NAALADL2: variants seen among roughly 807,000 people sequenced by gnomAD.
The protein encoded by NAALADL2 is inactive N-acetylated-alpha-linked acidic dipeptidase-like protein 2.
NAALADL2 carries 76 observed loss-of-function variants against 87.2 expected under a neutral mutation model. The observed-to-expected ratio is 0.87, with a 90% CI of 0.72 to 1.05. The LOEUF (loss-of-function observed/expected upper bound fraction) is 1.05, where lower values mean the gene tolerates loss of function less well. Among genes scored for constraint, NAALADL2 ranks in the 50% least tolerant of loss-of-function variants. NAALADL2 has a pLI of 0.00. For synonymous variants in NAALADL2, 354 were observed against 331.0 expected, an observed-to-expected ratio of 1.07 and a Z score of -0.75; for missense variants, 1,089 against 945.8, an observed-to-expected ratio of 1.15 and a Z score of -1.99.
intron 2 of NAALADL2, among the ~76,000 whole-genome samples, chr3:174,599,676 T>A (rs550843295): frequency 1.3e-5 from 2 of 152,300 alleles, no homozygotes; most frequent in African/African-American, 4.8e-5. Flanking sequence ...TAGATGATGA[T>A]CCATTTAGGC....
intron 2 of NAALADL2, among the ~76,000 whole-genome samples, chr3:174,603,662 A>T (rs1267422080): frequency 6.6e-6 from 1 of 151,522 alleles, no homozygotes; most frequent in African/African-American, 2.4e-5. Context: ...TTTAAGATGC[A>T]TTGTTAGGTT....
intron 3 of NAALADL2, among the ~76,000 whole-genome samples, chr3:175,245,462 T>A (rs75110269): frequency 0.019 from 2,937 of 152,278 alleles, 45 homozygotes; most frequent in Non-Finnish European, 0.033. Flanking sequence ...AATTTTAACT[T>A]TTTTTGTCCT....
At chr3:175,298,833 C>T (rs1756682561) in intron 4 of NAALADL2, among the ~76,000 whole-genome samples, 2 of 152,130 alleles carry the variant, frequency 1.3e-5, no homozygotes, top group Admixed American at 6.6e-5. Context: ...CTGTGAAATA[C>T]GTTATACCTT....
At chr3:175,345,849 T>C (rs1234762899) in intron 5 of NAALADL2, among the ~76,000 whole-genome samples, 1 of 152,172 alleles carries the variant, frequency 6.6e-6, no homozygotes, top group African/African-American at 2.4e-5. Context: ...GACAGCAACA[T>C]GATCTTCATG....
At chr3:175,051,250 T>C (rs1474223096) in intron 1 of NAALADL2, among the ~76,000 whole-genome samples, 1 of 152,196 alleles carries the variant, frequency 6.6e-6, no homozygotes, top group Non-Finnish European at 1.5e-5. Flanking sequence ...ATTAGTTTTC[T>C]ATTGCTGCAT....
At chr3:175,570,021 G>A (rs1717805308) in intron 9 of NAALADL2, among the ~76,000 whole-genome samples, 2 of 152,302 alleles carry the variant, frequency 1.3e-5, no homozygotes, top group South Asian at 2.1e-4. Context: ...AAGATACAGA[G>A]CTAAGAGAGA....
At chr3:174,455,336 T>C (rs1279677990) in intron 1 of NAALADL2, among the ~76,000 whole-genome samples, 4 of 152,092 alleles carry the variant, frequency 2.6e-5, no homozygotes, top group Non-Finnish European at 5.9e-5. Context: ...ACTGAGACTC[T>C]TACAAAAAAC....
intron 2 of NAALADL2, among the ~76,000 whole-genome samples, chr3:174,566,097 T>C (rs921693120): frequency 6.6e-6 from 1 of 151,948 alleles, no homozygotes; most frequent in African/African-American, 2.4e-5. Flanking sequence ...ATTTTAGTGG[T>C]TATTCTTGAA....
chr3:175,623,922 G>A (rs1237215457), intron 10 of NAALADL2, among the ~76,000 whole-genome samples: 2 of 148,384 alleles, frequency 1.3e-5, no homozygotes, highest in African/African-American at 2.5e-5. Context: ...CTAGGTTTCA[G>A]ATAACTCTCT....
chr3:174,792,979 T>C (rs1011957171), intron 3 of NAALADL2, among the ~76,000 whole-genome samples: 1 of 152,128 alleles, frequency 6.6e-6, no homozygotes, highest in African/African-American at 2.4e-5. Flanking sequence ...TTATGTAAGA[T>C]AAAAATAGTC....
intron 2 of NAALADL2, among the ~76,000 whole-genome samples, chr3:174,672,399 G>C (rs1288733522): frequency 2.0e-5 from 3 of 151,986 alleles, no homozygotes; most frequent in Non-Finnish European, 4.4e-5. Flanking sequence ...CATGTTTATT[G>C]AGGGCCTATT....
chr3:174,817,208 A>G (rs774296733), intron 3 of NAALADL2, among the ~76,000 whole-genome samples: 2 of 152,222 alleles, frequency 1.3e-5, no homozygotes, highest in African/African-American at 2.4e-5. Flanking sequence ...CAATCTTAAT[A>G]ATGTCTTTGA....
intron 3 of NAALADL2, among the ~76,000 whole-genome samples, chr3:175,251,232 T>C (rs1008505212): frequency 3.3e-5 from 5 of 152,218 alleles, no homozygotes; most frequent in African/African-American, 4.8e-5. Flanking sequence ...ATTCCTTTTT[T>C]AACATAGAAT....
rs371967468 is a variant in NAALADL2, at chr3:175,199,177, C to T, written c.546-34754C>T. ...CTGCCAAAAGAGCGCAGAGCTTTCT[C>T]CAAGGCCTCTTTTGAATGACATTGA... On this transcript the variant is annotated intron_variant, in intron 2 of 13. Coordinates refer to ENST00000454872, the MANE Select transcript of NAALADL2 (RefSeq NM_207015.3). Among the ~76,000 whole-genome samples the T allele has an allele frequency of 3.3e-5, 5 of 152,256 alleles. No individual in the cohort carries two copies. In the East Asian group the frequency reaches 5.8e-4, roughly 18 times the overall value.
At chr3:175,488,614 C>T (rs1345329342) in intron 9 of NAALADL2, among the ~76,000 whole-genome samples, 1 of 152,158 alleles carries the variant, frequency 6.6e-6, no homozygotes. Context: ...ATTTTACTTT[C>T]AAGTAGATCT....
intron 1 of NAALADL2, among the ~76,000 whole-genome samples, chr3:174,542,434 C>G (rs532652232): frequency 1.2e-4 from 19 of 152,272 alleles, no homozygotes; most frequent in Admixed American, 1.2e-3. Context: ...GGCAAGATGT[C>G]TTTATTTCCT....
intron 2 of NAALADL2, among the ~76,000 whole-genome samples, chr3:175,134,357 G>T (rs1257387771): frequency 6.6e-6 from 1 of 152,168 alleles, no homozygotes; most frequent in Non-Finnish European, 1.5e-5. Context: ...TGTATCTCCT[G>T]AAAGTGTGAT....
At chr3:175,217,227 A>G (rs374079370) in intron 2 of NAALADL2, among the ~76,000 whole-genome samples, 8 of 152,304 alleles carry the variant, frequency 5.3e-5, no homozygotes, top group African/African-American at 1.9e-4. Flanking sequence ...AAACTTACAC[A>G]GGGAGGTATA....
intron 13 of NAALADL2, among the ~76,000 whole-genome samples, chr3:175,778,629 G>T (rs543255406): frequency 1.6e-4 from 25 of 152,304 alleles, no homozygotes; most frequent in Admixed American, 3.9e-4. Context: ...TATTGTATAT[G>T]TCAGACACTG....
Sources: allele counts gnomAD v4.1 joint callset (sites outside exome capture counted in the v4.1 genomes callset), GRCh38; gene constraint gnomAD v4.1.1; transcripts MANE v1.5; gene names NCBI Gene and HGNC (gene_info 2026-07-23, HGNC 2026-07-21).